Variants in PHF14 observed in about 807,000 individuals in gnomAD.
PHF14 encodes the protein PHD finger protein 14.
In PHF14, 55 loss-of-function variants were observed where a neutral mutation model predicts 117.9. The ratio of observed to expected loss-of-function variants is 0.47; its 90% confidence interval spans 0.38 to 0.58. The LOEUF (loss-of-function observed/expected upper bound fraction) is 0.58, where lower values mean the gene tolerates loss of function less well. PHF14 is among the 20% of genes least tolerant of loss of function. The probability of loss-of-function intolerance (pLI) is 0.00; values close to 1 mark genes in which losing one functional copy is unlikely to be tolerated. For synonymous variants in PHF14, 409 were observed against 368.6 expected (o/e 1.11, Z -1.26); for missense variants, 978 against 1,122.2 (o/e 0.87, Z 1.84).
At chr7:11,138,598 G>T (rs1466020525) in intron 17 of PHF14, among the ~76,000 whole-genome samples, 1 of 152,124 alleles carries the variant, frequency 6.6e-6, no homozygotes, top group African/African-American at 2.4e-5. Flanking sequence ...ATATTTGGCA[G>T]AATAAAATAA....
chr7:11,071,227 C>T (rs1345369600), intron 16 of PHF14: 1 of 518,076 alleles, frequency 1.9e-6, no homozygotes, highest in South Asian at 1.4e-5. Flanking sequence ...AAGCCTAGTA[C>T]ACTAGCTCTG....
chr7:11,036,784 A>G (rs1420931155), intron 9 of PHF14, 96 bp downstream of exon 9: 8 of 1,123,720 alleles, frequency 7.1e-6, no homozygotes, highest in Admixed American at 2.3e-5. Context: ...TTTATTAGCC[A>G]TGCTGCATAT....
chr7:11,081,834 C>T lies in PHF14; in HGVS notation c.2654+19749C>T, dbSNP rs113582813. Among the ~76,000 whole-genome samples the T allele has an allele frequency of 3.8e-3, 568 of 148,666 alleles. 3 individuals carry two copies. Among genetic ancestry groups the T allele is most frequent in the African/African-American group, 0.013 (535 of 40,142 alleles). On this transcript the variant is annotated intron_variant, in intron 16 of 17. Transcript: ENST00000634607. ...TCGCGCCACCACACTCCAGCCTGGG[C>T]GACAGAATGAGACTCCGTCTCAAAA...
At chr7:11,099,055 T>TA (rs1383650468) in intron 16 of PHF14, among the ~76,000 whole-genome samples, 2 of 152,152 alleles carry the variant, frequency 1.3e-5, no homozygotes, top group African/African-American at 4.8e-5. Flanking sequence ...AGGTTTAATT[T>TA]AAAAAATATT....
intron 14 of PHF14, among the ~76,000 whole-genome samples, chr7:11,059,209 A>G (rs1425349876): frequency 6.6e-6 from 1 of 152,178 alleles, no homozygotes; most frequent in Non-Finnish European, 1.5e-5. Flanking sequence ...GTCATACCAG[A>G]TATTTGAAGA....
At chr7:11,005,554 C>T (rs530053590) in intron 4 of PHF14, among the ~76,000 whole-genome samples, 21 of 152,278 alleles carry the variant, frequency 1.4e-4, no homozygotes, top group Non-Finnish European at 2.6e-4. Flanking sequence ...GGATAAATCC[C>T]TAAGATATTT....
At chr7:11,101,492 T>C (rs951979378) in intron 16 of PHF14, among the ~76,000 whole-genome samples, 6 of 151,920 alleles carry the variant, frequency 3.9e-5, no homozygotes, top group Admixed American at 1.3e-4. Context: ...CGTGTGATCT[T>C]ACTATTTAAC....
rs1350712280 is a variant in PHF14, at chr7:11,077,119, C to T, written c.2654+15034C>T. On this transcript the variant is annotated intron_variant, in intron 16 of 17. Transcript: ENST00000634607. ...CCATCTACACTTTTACTCTTTTGGTCGTTAGTAATGTTCATTATGGTCATC... is the reference window on the plus strand; with the variant it reads ...CCATCTACACTTTTACTCTTTTGGTTGTTAGTAATGTTCATTATGGTCATC... 2.6e-5 allele frequency among the ~76,000 whole-genome samples: 4 copies of T among 151,780 alleles called. No individual in the cohort carries two copies. The South Asian group carries it at 6.2e-4, about 24-fold the overall frequency.
chr7:11,158,392 G>C (rs1444542071), intron 17 of PHF14, among the ~76,000 whole-genome samples: 1 of 152,080 alleles, frequency 6.6e-6, no homozygotes, highest in Non-Finnish European at 1.5e-5. Context: ...ATAGATCATA[G>C]GTGATGTCGC....
At chr7:11,156,290 T>C (rs932176999) in intron 17 of PHF14, among the ~76,000 whole-genome samples, 18 of 152,228 alleles carry the variant, frequency 1.2e-4, no homozygotes, top group Non-Finnish European at 2.4e-4. Flanking sequence ...TCTAAAATAG[T>C]ATTTTAAATT....
intron 16 of PHF14, among the ~76,000 whole-genome samples, chr7:11,064,476 T>C (rs558897809): frequency 1.3e-5 from 2 of 152,112 alleles, no homozygotes; most frequent in South Asian, 4.1e-4. Context: ...TCTTTTAAAA[T>C]TAAACTTCAT....
rs566551304 is a variant in PHF14, at chr7:10,974,100, G to T, written c.-224G>T. 4.3e-3 allele frequency: 2,320 copies of T among 533,644 alleles called. 84 individuals are homozygous for T. The Admixed American group carries it at 0.063, about 14-fold the overall frequency. The allele number at this position is 533,644 out of a possible 1,614,324, so 33.1% of individuals were successfully genotyped here. ...GTCTTCTCCGGCCAGGGAGCGCTGT[G>T]GGAAGGGGCTCGAGCGGCCAGGGCC... On this transcript the variant is annotated 5_prime_UTR_variant, in exon 1 of 18. Transcript: ENST00000634607.
intron 17 of PHF14, among the ~76,000 whole-genome samples, chr7:11,126,802 A>G (rs1211319541): frequency 6.6e-6 from 1 of 151,750 alleles, no homozygotes; most frequent in African/African-American, 2.4e-5. Flanking sequence ...TACAGTCTGA[A>G]TTTGACATCA....
chr7:10,978,324 G>A (rs901054743), intron 2 of PHF14, among the ~76,000 whole-genome samples: 4 of 152,128 alleles, frequency 2.6e-5, no homozygotes, highest in Non-Finnish European at 5.9e-5. Context: ...TAAAATAGTT[G>A]ATACAAAGGA....
chr7:11,157,236 AAAGG>A (rs1282267686), intron 17 of PHF14, among the ~76,000 whole-genome samples: 1 of 152,190 alleles, frequency 6.6e-6, no homozygotes, highest in Non-Finnish European at 1.5e-5. Flanking sequence ...AGGGAGGAAG[AAAGG>A]AAGGATTCTA....
In PHF14 at chr7:11,013,852, G is replaced by A; in HGVS notation, c.1151G>A (p.Ser384Asn). The change falls in exon 5 of 18, where the codon AGC becomes AAC. Residue 384 changes from serine (S) to asparagine (N), a missense_variant. Ser to Asn is a conservative substitution (Grantham distance 46). Around this residue, in one of 7 missense-constraint regions of PHF14, gnomAD observed 86 missense variants for 137.8 expected, o/e 0.62. Coordinates refer to ENST00000634607, the MANE Select transcript of PHF14 (RefSeq NM_001007157.2). Reference protein sequence around the residue: ...CDACKCGVSPSCELCPNQDGI... With the variant: ...CDACKCGVSPNCELCPNQDGI... ...GCCTGTAAATGTGGTGTTTCTCCTA[G>A]CTGTGAACTGTGTCCTAATCAGGAT... 2.5e-6 allele frequency: 4 copies of A among 1,611,146 alleles called. No homozygotes were observed. The highest frequency in any genetic ancestry group is 2.5e-6 in the Non-Finnish European group (3 of 1,177,720).
At chr7:10,976,697 C>A (rs1281460782) in intron 2 of PHF14, among the ~76,000 whole-genome samples, 1 of 151,696 alleles carries the variant, frequency 6.6e-6, no homozygotes, top group East Asian at 1.9e-4. Flanking sequence ...AGATTTCTGA[C>A]CTTGTTAAAT....
rs563988306 is a variant in PHF14 at position 11,034,914 on chromosome 7, T to C, written c.1456-726T>C. ...TAGCCAGTTAGAAATGCCACACTTA[T>C]CTTGTTGGCTAGTTGAATGTTGTTG... On this transcript the variant is annotated intron_variant, in intron 7 of 17. Coordinates refer to ENST00000634607, the MANE Select transcript of PHF14 (RefSeq NM_001007157.2). Among the ~76,000 whole-genome samples the C allele has an allele frequency of 4.6e-5, 7 of 152,286 alleles. No homozygotes were observed. The South Asian group carries it at 8.3e-4, about 18-fold the overall frequency.
At chr7:11,139,841 T>C (rs184961912) in intron 17 of PHF14, among the ~76,000 whole-genome samples, 2 of 152,224 alleles carry the variant, frequency 1.3e-5, no homozygotes, top group East Asian at 3.9e-4. Flanking sequence ...TTCCATAGGG[T>C]ATGACTTAGT....
Sources: allele counts gnomAD v4.1 joint callset (sites outside exome capture counted in the v4.1 genomes callset), GRCh38; gene constraint gnomAD v4.1.1; regional missense constraint gnomAD v4.1.1; transcripts MANE v1.5; gene names NCBI Gene and HGNC (gene_info 2026-07-23, HGNC 2026-07-21).